FMN1: variants seen among roughly 807,000 people sequenced by gnomAD.
FMN1 encodes formin-1.
Under a neutral mutation model 132.4 loss-of-function variants are expected in FMN1, and 110 were observed. The observed-to-expected ratio is 0.83, with a 90% confidence interval of 0.71 to 0.97. FMN1 has a LOEUF of 0.97. Ranked by LOEUF, FMN1 falls within the 50% of genes least tolerant of loss-of-function variation. FMN1 has a pLI of 0.00. For synonymous variants in FMN1, 722 were observed against 651.7 expected (o/e 1.11, Z -1.64); for missense variants, 1,792 against 1,705.3 (o/e 1.05, Z -0.90).
At chr15:32,774,475 G>C (rs1327294657) in intron 20 of FMN1, 121 bp from the exon 21 acceptor site, 1 of 726,852 alleles carries the variant, frequency 1.4e-6, no homozygotes, top group South Asian at 1.7e-5. Flanking sequence ...GCCTAGAAAT[G>C]AGAGTACCTC....
At chr15:33,061,742 G>T (rs1337995447) in intron 6 of FMN1, among the ~76,000 whole-genome samples, 1 of 151,876 alleles carries the variant, frequency 6.6e-6, no homozygotes, top group Non-Finnish European at 1.5e-5. Flanking sequence ...GACAATAGAA[G>T]GCCCCCAACA....
In FMN1 at chr15:32,770,184, G is replaced by A. The variant is rs1218864920; in HGVS notation, c.*4126C>T. ...AATTTAGTATGTCAGGGAATGAAGA[G>A]GTTCCCCGGTCAATGTTACAGCCTG... On this transcript the variant is annotated 3_prime_UTR_variant, in exon 21 of 21. Transcript: ENST00000616417. 6.6e-6 allele frequency: 1 copy of A among 152,120 alleles called. No individual in the cohort carries two copies. The highest frequency in any genetic ancestry group is 2.4e-5 in the African/African-American group (1 of 41,422). The allele number at this position is 152,120 out of a possible 1,614,324, so 9.4% of individuals were successfully genotyped here. A position where few individuals can be genotyped will look rare whatever the true frequency, so the allele number is the denominator to read the frequency against.
rs539879778 is a variant in FMN1, at chr15:33,003,631, T to C, written c.2223+4383A>G. 5.5e-4 allele frequency among the ~76,000 whole-genome samples: 83 copies of C among 152,290 alleles called. No individual in the cohort carries two copies. The Middle Eastern group carries it at 0.01, about 19-fold the overall frequency. On this transcript the variant is annotated intron_variant, in intron 7 of 20. Transcript: ENST00000616417. ...TGGCCATACTGCCCAAGGTAATTTA[T>C]AGATTCAATGCCATCCCCATCAAGC...
At chr15:33,071,299 T>C (rs1016157573) in intron 5 of FMN1, among the ~76,000 whole-genome samples, 1 of 152,204 alleles carries the variant, frequency 6.6e-6, no homozygotes, top group Admixed American at 6.5e-5. Context: ...CCAGTAAACC[T>C]AGCTGGCCTA....
At chr15:33,162,584 G>C (rs560042985) in intron 3 of FMN1, among the ~76,000 whole-genome samples, 2 of 152,306 alleles carry the variant, frequency 1.3e-5, no homozygotes, top group South Asian at 4.1e-4. Context: ...ATACAGGACT[G>C]AGAAAACAAG....
chr15:32,962,650 AAAAC>A (rs1355889424), intron 9 of FMN1, among the ~76,000 whole-genome samples: 1 of 150,504 alleles, frequency 6.6e-6, no homozygotes, highest in Non-Finnish European at 1.5e-5. Flanking sequence ...TTACAAGAAA[AAAAC>A]AAACAACCCC....
At chr15:33,075,433 C>G (rs1055514794) in intron 5 of FMN1, among the ~76,000 whole-genome samples, 1 of 152,180 alleles carries the variant, frequency 6.6e-6, no homozygotes, top group Non-Finnish European at 1.5e-5. Context: ...CACACCTCCG[C>G]ATGCCCCAGC....
In FMN1 at chr15:33,185,568, A is replaced by ATTTTTTTTTTTTTTTTTTTT. The variant is rs57232200; in HGVS notation, c.-196-5326_-196-5307dup. 7.1e-5 allele frequency among the ~76,000 whole-genome samples: 8 copies of ATTTTTTTTTTTTTTTTTTTT among 113,444 alleles called. 2 individuals are homozygous for ATTTTTTTTTTTTTTTTTTTT. Among genetic ancestry groups the ATTTTTTTTTTTTTTTTTTTT allele is most frequent in the African/African-American group, 3.4e-4 (8 of 23,852 alleles). 74.4% of individuals were successfully genotyped at this position (113,444 alleles called of 152,430 possible). On this transcript the variant is annotated intron_variant, in intron 2 of 20. Transcript: ENST00000616417. ...GTAATTTTTTTTTAATAAAGTAAGA[A>ATTTTTTTTTTTTTTTTTTTT]TTTTTTTTTTTTTTTTTTTTTTACA... is the stretch of plus-strand genomic sequence containing the variant.
At chr15:33,029,134 T>TA (rs2035816798) in intron 6 of FMN1, among the ~76,000 whole-genome samples, 1 of 152,182 alleles carries the variant, frequency 6.6e-6, no homozygotes, top group South Asian at 2.1e-4. Context: ...TCACTTAGAC[T>TA]AACCCCCTTC....
intron 10 of FMN1, among the ~76,000 whole-genome samples, chr15:32,914,643 T>A (rs1179025275): frequency 2.0e-5 from 3 of 152,212 alleles, no homozygotes; most frequent in Non-Finnish European, 2.9e-5. Flanking sequence ...AAGACTAATT[T>A]AGAATCTATT....
chr15:32,896,034 T>A (rs925134342), intron 15 of FMN1, among the ~76,000 whole-genome samples: 1 of 152,086 alleles, frequency 6.6e-6, no homozygotes, highest in African/African-American at 2.4e-5. Context: ...ATTTCTACAT[T>A]TATCTCTTCT....
intron 16 of FMN1, among the ~76,000 whole-genome samples, chr15:32,864,383 G>A (rs1449148203): frequency 6.6e-6 from 1 of 152,146 alleles, no homozygotes; most frequent in Non-Finnish European, 1.5e-5. Flanking sequence ...GAAAGGGACT[G>A]CTACACCCAT....
intron 7 of FMN1, among the ~76,000 whole-genome samples, chr15:32,990,026 T>G (rs2033337545): frequency 6.6e-6 from 1 of 152,136 alleles, no homozygotes; most frequent in Non-Finnish European, 1.5e-5. Context: ...CTTTCTATGG[T>G]GGGCTTATAA....
intron 6 of FMN1, among the ~76,000 whole-genome samples, chr15:33,050,917 A>G (rs345748): frequency 0.72 from 109,449 of 152,152 alleles, 39,813 homozygotes; most frequent in Non-Finnish European, 0.76. Context: ...GCACTGACAT[A>G]GAAAGGTTTC....
At chr15:32,872,454 T>C (rs1370648488) in intron 16 of FMN1, among the ~76,000 whole-genome samples, 1 of 152,246 alleles carries the variant, frequency 6.6e-6, no homozygotes, top group African/African-American at 2.4e-5. Flanking sequence ...TCTTATCCAC[T>C]GCTCTAATCA....
At chr15:33,053,524 T>G (rs1158775815) in intron 6 of FMN1, among the ~76,000 whole-genome samples, 1 of 152,142 alleles carries the variant, frequency 6.6e-6, no homozygotes. Flanking sequence ...GAATCCTGCT[T>G]CAACAAGACT....
Position 32,769,552 on chromosome 15 carries a change from T to C in FMN1, c.*4758A>G, listed in dbSNP as rs766338724. ...ATTATGTAAGTCTAAAGAAGAAAGA[T>C]ATGCTAAGTCAAGTATTTGAAGATG... On this transcript the variant is annotated 3_prime_UTR_variant, in exon 21 of 21. Transcript: ENST00000616417. 10 of 152,264 alleles carry C rather than the reference T, an allele frequency of 6.6e-5. No individual in the cohort carries two copies. Among genetic ancestry groups the C allele is most frequent in the Non-Finnish European group, 1.5e-4 (10 of 68,052 alleles). The allele number at this position is 152,264 out of a possible 1,614,324, so 9.4% of individuals were successfully genotyped here.
intron 7 of FMN1, among the ~76,000 whole-genome samples, chr15:33,007,426 G>A (rs1455815920): frequency 1.3e-5 from 2 of 152,114 alleles, no homozygotes; most frequent in Admixed American, 6.5e-5. Flanking sequence ...ACAAGCAAAT[G>A]CCAAATACAG....
chr15:32,835,587 TG>T (rs1471894726), intron 17 of FMN1, among the ~76,000 whole-genome samples: 3 of 152,154 alleles, frequency 2.0e-5, no homozygotes, highest in African/African-American at 7.2e-5. Flanking sequence ...CATGATGTGA[TG>T]GTTTGGAAGG....
Sources: gnomAD v4.1 joint callset for allele counts (sites outside exome capture counted in the v4.1 genomes callset) on GRCh38, gnomAD v4.1.1 for gene constraint, MANE v1.5 for transcripts, NCBI Gene and HGNC (gene_info 2026-07-23, HGNC 2026-07-21) for gene names.